Variants in ANKDD1A observed in about 807,000 individuals in gnomAD.
The protein encoded by ANKDD1A is ankyrin repeat and death domain-containing protein 1A.
Under a neutral mutation model 63.5 loss-of-function variants are expected in ANKDD1A, and 59 were observed. That is an observed-to-expected ratio of 0.93 (90% CI 0.75 to 1.15). ANKDD1A has a LOEUF of 1.15. Among genes scored for constraint, ANKDD1A ranks in the 50% most tolerant of loss-of-function variants. ANKDD1A has a pLI of 0.00. For missense variants in ANKDD1A, 632 were observed against 656.4 expected (o/e 0.96, Z 0.41); for synonymous variants, 266 against 263.9 (o/e 1.01, Z -0.08).
At chr15:64,929,235 G>A (rs546612935) in intron 6 of ANKDD1A, among the ~76,000 whole-genome samples, 18 of 152,034 alleles carry the variant, frequency 1.2e-4, no homozygotes, top group African/African-American at 3.6e-4. Flanking sequence ...GTGTAGTGGC[G>A]TAATCACAGC....
chr15:64,953,663 T>TCTTTCTTTTCC (rs1313520379), intron 14 of ANKDD1A, among the ~76,000 whole-genome samples: 1 of 135,452 alleles, frequency 7.4e-6, no homozygotes, highest in Admixed American at 7.7e-5. Context: ...CTTCTTTTCT[T>TCTTTCTTTTCC]TCTTCTCCTT....
chr15:64,949,632 C>T lies in ANKDD1A; in HGVS notation c.1352-209C>T, dbSNP rs149631842. ...TAGAGACCAAGACACAAACCCTTCCCTCCCCATCTGAGAGGCTGCTCCTCC... is the reference window on the plus strand; with the variant it reads ...TAGAGACCAAGACACAAACCCTTCCTTCCCCATCTGAGAGGCTGCTCCTCC... On this transcript the variant is annotated intron_variant, in intron 13 of 14. Transcript: ENST00000319580. Among the ~76,000 whole-genome samples the T allele has an allele frequency of 5.1e-3, 773 of 152,286 alleles. 9 individuals are homozygous for T. Among genetic ancestry groups the T allele is most frequent in the African/African-American group, 0.018 (741 of 41,564 alleles).
chr15:64,919,102 G>A (rs936552582), intron 3 of ANKDD1A, among the ~76,000 whole-genome samples: 1 of 152,228 alleles, frequency 6.6e-6, no homozygotes, highest in South Asian at 2.1e-4. Context: ...AGGAAAGTCT[G>A]TAGTGATATG....
intron 6 of ANKDD1A, among the ~76,000 whole-genome samples, chr15:64,929,746 G>C (rs992891713): frequency 2.6e-5 from 4 of 152,052 alleles, no homozygotes; most frequent in African/African-American, 9.7e-5. Context: ...TGTACCCCCG[G>C]CCCTATTCTA....
In ANKDD1A at chr15:64,958,026, C is replaced by A. The variant is rs1377867642; in HGVS notation, c.*838C>A. 6.6e-6 allele frequency: 1 copy of A among 152,112 alleles called. No individual in the cohort carries two copies. The highest frequency in any genetic ancestry group is 1.5e-5 in the Non-Finnish European group (1 of 68,018). 9.4% of individuals were successfully genotyped at this position (152,112 alleles called of 1,614,324 possible). ...TGGGAGAAAGAGTTCTCAGTGGTTCCTTTCTATACAGTTTTAACTTTTGAA... is the reference window on the plus strand; with the variant it reads ...TGGGAGAAAGAGTTCTCAGTGGTTCATTTCTATACAGTTTTAACTTTTGAA... On this transcript the variant is annotated 3_prime_UTR_variant, in exon 15 of 15. Transcript: ENST00000319580.
At chr15:64,946,523 C>G (rs183197369) in intron 12 of ANKDD1A, among the ~76,000 whole-genome samples, 1 of 152,208 alleles carries the variant, frequency 6.6e-6, no homozygotes, top group Non-Finnish European at 1.5e-5. Flanking sequence ...GTGCTGAGTA[C>G]TAAGCCACTT....
At chr15:64,954,261 CCTT>C (rs139288527) in intron 14 of ANKDD1A, among the ~76,000 whole-genome samples, 1,905 of 136,964 alleles carry the variant, frequency 0.014, 30 homozygotes, top group African/African-American at 0.038. Flanking sequence ...TTCTTCTTCT[CCTT>C]CTTTTCCTTT....
At chr15:64,932,878 G>A (rs532003495) in intron 8 of ANKDD1A, 101 of 150,698 alleles carry the variant, frequency 6.7e-4, no homozygotes, top group African/African-American at 2.2e-3. Context: ...GAGCCCAGGA[G>A]TTTGAGGCTG....
In ANKDD1A at chr15:64,915,914, T is replaced by G. The variant is rs746366968; in HGVS notation, c.138+14T>G. ...GCCAGAAACCACGTGCGTAATGAGC[T>G]TCTCTGAATCCAGGCACCTGGGATA... is the stretch of plus-strand genomic sequence containing the variant. On this transcript the variant is annotated intron_variant, in intron 2 of 14. Coordinates refer to ENST00000319580, the MANE Select transcript of ANKDD1A (RefSeq NM_182703.6). The G allele has an allele frequency of 6.8e-6, 11 of 1,610,772 alleles. No homozygotes were observed. Among genetic ancestry groups the G allele is most frequent in the South Asian group, 3.3e-5 (3 of 90,710 alleles).
chr15:64,923,124 C>T (rs1173765052), intron 4 of ANKDD1A, among the ~76,000 whole-genome samples: 2 of 152,124 alleles, frequency 1.3e-5, no homozygotes, highest in Non-Finnish European at 2.9e-5. Flanking sequence ...TGTCCATATC[C>T]TAATCCCTAG....
intron 14 of ANKDD1A, among the ~76,000 whole-genome samples, chr15:64,951,593 TTC>T (rs2085279406): frequency 7.1e-6 from 1 of 141,438 alleles, no homozygotes; most frequent in South Asian, 2.2e-4. Context: ...TTCCTTTTCT[TTC>T]TTCTTTCTTC....
chr15:64,943,327 AGAT>A, intron 10 of ANKDD1A, 154 bp from the exon 11 acceptor site: 1 of 673,314 alleles, frequency 1.5e-6, no homozygotes, highest in South Asian at 1.8e-5. Context: ...TGTACATATA[AGAT>A]GATCTCATGT....
intron 9 of ANKDD1A, among the ~76,000 whole-genome samples, chr15:64,940,144 TAA>T (rs60623769): frequency 4.1e-5 from 6 of 145,090 alleles, no homozygotes; most frequent in African/African-American, 1.3e-4. Flanking sequence ...AACTCAACAG[TAA>T]AAAAAAAAAA....
intron 3 of ANKDD1A, among the ~76,000 whole-genome samples, chr15:64,918,629 G>A (rs1546747): frequency 0.39 from 59,042 of 152,086 alleles, 11,968 homozygotes; most frequent in South Asian, 0.67. Flanking sequence ...GAAGCTACGA[G>A]GGAGAACAGT....
At position 64,942,514 on chromosome 15, in the gene ANKDD1A, C is replaced by T. The variant is rs377389557; in HGVS notation, c.915C>T (p.Ala305=). 57 of 1,613,854 alleles carry T rather than the reference C, an allele frequency of 3.5e-5. No individual in the cohort carries two copies. The highest frequency in any genetic ancestry group is 3.3e-4 in the Middle Eastern group (2 of 6,082). ...TCGCTGTGAGGCACAACTTCCCTGC[C>T]TTGGTCCGGCTCCTCATCAACTCCG... ...LHLAVRHNFP[A]LVRLLINSDS... is the part of the protein sequence containing the mutation. Residue 305 remains alanine (A), a synonymous_variant, in exon 10 of 15, where the codon GCC becomes GCT. Transcript: ENST00000319580.
In ANKDD1A at chr15:64,934,245, T is replaced by G. The variant is rs771939149; in HGVS notation, c.867+11T>G. On this transcript the variant is annotated intron_variant, in intron 9 of 14. Coordinates refer to ENST00000319580, the MANE Select transcript of ANKDD1A (RefSeq NM_182703.6). The stretch of plus-strand genomic sequence containing the variant: ...AACGTGGTTGATCATGTAAGTATGG[T>G]GCGAGTGTTGAAGGGGGTCTCCATT... 6.2e-7 allele frequency: 1 copy of G among 1,607,658 alleles called. No individual in the cohort carries two copies. The highest frequency in any genetic ancestry group is 8.5e-7 in the Non-Finnish European group (1 of 1,176,506).
chr15:64,931,553 A>C lies in ANKDD1A; in HGVS notation c.736A>C (p.Arg246=), dbSNP rs779478125. Residue 246 remains arginine, a synonymous_variant, in exon 8 of 15, where the codon AGG becomes CGG. Coordinates refer to ENST00000319580, the MANE Select transcript of ANKDD1A (RefSeq NM_182703.6). ...CCCTGACTGTGTGCAGCTCCTCCTC[A>C]GGGCTGGGAGCACCGTGAATGCCCT... ...SHPDCVQLLL[R]AGSTVNALTQ... 9.3e-6 allele frequency: 15 copies of C among 1,613,878 alleles called. No individual in the cohort carries two copies. In the African/African-American group the frequency reaches 1.9e-4, roughly 20 times the overall value.
intron 9 of ANKDD1A, among the ~76,000 whole-genome samples, chr15:64,940,074 A>C (rs1426550165): frequency 6.6e-6 from 1 of 152,016 alleles, no homozygotes; most frequent in Non-Finnish European, 1.5e-5. Flanking sequence ...CCAAGAGAAA[A>C]GATTTGCAAA....
intron 14 of ANKDD1A, among the ~76,000 whole-genome samples, chr15:64,953,950 CTA>C (rs1566918135): frequency 1.9e-5 from 1 of 53,900 alleles, no homozygotes; most frequent in Non-Finnish European, 3.3e-5. Flanking sequence ...TCCTCTTCTT[CTA>C]TTGTTTCTTT....
Sources: allele counts gnomAD v4.1 joint callset (sites outside exome capture counted in the v4.1 genomes callset), GRCh38; gene constraint gnomAD v4.1.1; transcripts MANE v1.5; gene names NCBI Gene and HGNC (gene_info 2026-07-23, HGNC 2026-07-21).